Variants in FUT9 observed in about 807,000 individuals in gnomAD.
The protein encoded by FUT9 is 4-galactosyl-N-acetylglucosaminide 3-alpha-L-fucosyltransferase 9.
FUT9 carries 15 observed loss-of-function variants against 29.7 expected under a neutral mutation model. The observed-to-expected ratio is 0.51, with a 90% CI of 0.34 to 0.78. The LOEUF (loss-of-function observed/expected upper bound fraction) is 0.78, where lower values mean the gene tolerates loss of function less well. FUT9 is among the 30% of genes least tolerant of loss of function. The pLI is 0.01. For synonymous variants in FUT9, 169 were observed against 153.7 expected (o/e 1.10, Z -0.74); for missense variants, 319 against 425.4 (o/e 0.75, Z 2.20).
At chr6:96,069,200 A>G (rs1771011194) in intron 1 of FUT9, among the ~76,000 whole-genome samples, 2 of 152,066 alleles carry the variant, frequency 1.3e-5, no homozygotes, top group Non-Finnish European at 2.9e-5. Flanking sequence ...CTGTAATCCC[A>G]GCTACTCGGG....
intron 2 of FUT9, among the ~76,000 whole-genome samples, chr6:96,169,888 C>T (rs746629815): frequency 1.3e-4 from 19 of 151,918 alleles, no homozygotes; most frequent in Non-Finnish European, 2.4e-4. Context: ...TTTTGCCAAC[C>T]AAAGAAATTT....
chr6:96,158,171 T>C (rs937324513), intron 2 of FUT9, among the ~76,000 whole-genome samples: 3 of 152,042 alleles, frequency 2.0e-5, no homozygotes, highest in Non-Finnish European at 4.4e-5. Flanking sequence ...TGTGTCATTT[T>C]TGTAGATAAA....
intron 2 of FUT9, among the ~76,000 whole-genome samples, chr6:96,175,395 T>A (rs929836085): frequency 2.6e-5 from 4 of 152,174 alleles, no homozygotes; most frequent in Non-Finnish European, 5.9e-5. Flanking sequence ...ACATCCCCAA[T>A]ACTACATTGT....
chr6:96,082,719 T>A (rs192835308), intron 1 of FUT9, among the ~76,000 whole-genome samples: 2 of 152,066 alleles, frequency 1.3e-5, no homozygotes, highest in Non-Finnish European at 2.9e-5. Context: ...ATTGAACCTA[T>A]CTACTATTTT....
At position 96,214,490 on chromosome 6, in the gene FUT9, T is replaced by G. The variant is rs1196645121; in HGVS notation, c.*10255T>G. 6.0e-6 allele frequency: 1 copy of G among 166,900 alleles called. No individual in the cohort carries two copies. 10.3% of individuals were successfully genotyped at this position (166,900 alleles called of 1,614,324 possible). A position where few individuals can be genotyped will look rare whatever the true frequency, so the allele number is the denominator to read the frequency against. On this transcript the variant is annotated 3_prime_UTR_variant, in exon 3 of 3. Coordinates refer to ENST00000302103, the MANE Select transcript of FUT9 (RefSeq NM_006581.4). ...TTAAGTAATAAAAATTGTATAAAAA[T>G]ATGAATGTTGGCTGCAGAGGAGCCT...
intron 2 of FUT9, among the ~76,000 whole-genome samples, chr6:96,139,347 G>C (rs1772417713): frequency 6.6e-6 from 1 of 152,190 alleles, no homozygotes. Flanking sequence ...CTGCCCCTGT[G>C]TCTTTGCAGG....
intron 1 of FUT9, among the ~76,000 whole-genome samples, chr6:96,111,672 T>A (rs1207839587): frequency 6.6e-6 from 1 of 152,106 alleles, no homozygotes; most frequent in Admixed American, 6.6e-5. Context: ...TTCTAAATCC[T>A]TGATTTTTCT....
At chr6:96,147,879 G>A (rs995860739) in intron 2 of FUT9, among the ~76,000 whole-genome samples, 8 of 150,280 alleles carry the variant, frequency 5.3e-5, no homozygotes, top group Non-Finnish European at 1.0e-4. Flanking sequence ...CTGGGACTAC[G>A]ATATAGTTAA....
intron 2 of FUT9, among the ~76,000 whole-genome samples, chr6:96,198,061 A>G (rs1773658247): frequency 1.4e-5 from 1 of 72,728 alleles, no homozygotes; most frequent in Non-Finnish European, 3.2e-5. Context: ...ATCTTTTTCT[A>G]TTTCAAGTTA....
chr6:96,190,210 T>C (rs1017795519), intron 2 of FUT9, among the ~76,000 whole-genome samples: 5 of 152,158 alleles, frequency 3.3e-5, no homozygotes, highest in African/African-American at 4.8e-5. Flanking sequence ...AAAATTCTTT[T>C]CTTTAAGAAT....
At chr6:96,083,246 G>T (rs1488043533) in intron 1 of FUT9, among the ~76,000 whole-genome samples, 5 of 152,038 alleles carry the variant, frequency 3.3e-5, no homozygotes, top group Non-Finnish European at 5.9e-5. Context: ...GAAGAGGTGA[G>T]TCACATGTAT....
At chr6:96,080,643 G>A (rs977929717) in intron 1 of FUT9, among the ~76,000 whole-genome samples, 2 of 151,922 alleles carry the variant, frequency 1.3e-5, no homozygotes, top group African/African-American at 2.4e-5. Flanking sequence ...GAAAAATCAT[G>A]TCTTGACCAT....
At chr6:96,167,490 C>T (rs577699705) in intron 2 of FUT9, among the ~76,000 whole-genome samples, 29 of 152,280 alleles carry the variant, frequency 1.9e-4, no homozygotes, top group South Asian at 6.2e-4. Flanking sequence ...AGGCACCAAA[C>T]TAATTATTCA....
At chr6:96,044,642 G>A (rs1228102095) in intron 1 of FUT9, among the ~76,000 whole-genome samples, 1 of 151,894 alleles carries the variant, frequency 6.6e-6, no homozygotes. Context: ...TTTATTCTGT[G>A]CTTTTTTTTC....
At chr6:96,057,658 C>G (rs145054702) in intron 1 of FUT9, among the ~76,000 whole-genome samples, 2 of 152,270 alleles carry the variant, frequency 1.3e-5, no homozygotes, top group East Asian at 3.9e-4. Flanking sequence ...TAAGGAAATT[C>G]TGTGCCACAA....
intron 2 of FUT9, among the ~76,000 whole-genome samples, chr6:96,162,304 A>T (rs1772926747): frequency 6.6e-6 from 1 of 152,142 alleles, no homozygotes. Flanking sequence ...ATACAGCATA[A>T]TATTTCAGTA....
At chr6:96,104,757 C>T (rs1771647367) in intron 1 of FUT9, among the ~76,000 whole-genome samples, 1 of 152,210 alleles carries the variant, frequency 6.6e-6, no homozygotes, top group Non-Finnish European at 1.5e-5. Flanking sequence ...ATCTTGAATT[C>T]CTGACCTCGT....
In FUT9 at chr6:96,026,645, T is replaced by C. The variant is rs571576849; in HGVS notation, c.-98+10433T>C. On this transcript the variant is annotated intron_variant, in intron 1 of 2. Transcript: ENST00000302103. ...AGGGTGTCCAAATTTTCCTAAATAA[T>C]CAAAAGAAAAAGGTGCAATGCTGCT... Among the ~76,000 whole-genome samples, 16 of 151,700 alleles carry C rather than the reference T, an allele frequency of 1.1e-4. No homozygotes were observed. In the South Asian group the frequency reaches 3.3e-3, roughly 31 times the overall value.
chr6:96,067,692 A>T (rs1015252963), intron 1 of FUT9, among the ~76,000 whole-genome samples: 1 of 152,072 alleles, frequency 6.6e-6, no homozygotes, highest in East Asian at 1.9e-4. Context: ...TTAGCTTGGA[A>T]GTATAGAATT....
Sources: gnomAD v4.1 joint callset for allele counts (sites outside exome capture counted in the v4.1 genomes callset) on GRCh38, gnomAD v4.1.1 for gene constraint, MANE v1.5 for transcripts, NCBI Gene and HGNC (gene_info 2026-07-23, HGNC 2026-07-21) for gene names.